CCDC60: variants seen among roughly 807,000 people sequenced by gnomAD.
CCDC60 encodes coiled-coil domain containing 60.
A neutral mutation model predicts 63.5 loss-of-function variants in CCDC60; 54 were observed. That is an observed-to-expected ratio of 0.85 (90% CI 0.68 to 1.07). The LOEUF is 1.07. Ranked by LOEUF, CCDC60 falls within the 50% of genes least tolerant of loss-of-function variation. The probability of loss-of-function intolerance (pLI) is 0.00; values close to 1 mark genes in which losing one functional copy is unlikely to be tolerated. For synonymous variants in CCDC60, 206 were observed against 238.8 expected, an observed-to-expected ratio of 0.86 and a Z score of 1.27; for missense variants, 651 against 684.3, an observed-to-expected ratio of 0.95 and a Z score of 0.54.
chr12:119,351,821 C>A (rs1955659181), intron 1 of CCDC60, among the ~76,000 whole-genome samples: 1 of 152,158 alleles, frequency 6.6e-6, no homozygotes, highest in South Asian at 2.1e-4. Flanking sequence ...TAGGAAGTTC[C>A]AAACTTTCCC....
chr12:119,361,952 G>A (rs141148454), intron 1 of CCDC60, among the ~76,000 whole-genome samples: 1 of 152,254 alleles, frequency 6.6e-6, no homozygotes, highest in Admixed American at 6.5e-5. Context: ...TAATGAGTAT[G>A]GCCATATAAT....
intron 2 of CCDC60, among the ~76,000 whole-genome samples, chr12:119,467,164 C>T (rs1208814292): frequency 1.3e-5 from 2 of 152,240 alleles, no homozygotes; most frequent in Non-Finnish European, 2.9e-5. Flanking sequence ...AGTCATGGAG[C>T]AGTAACACCG....
intron 2 of CCDC60, among the ~76,000 whole-genome samples, chr12:119,460,423 CA>C (rs1409785912): frequency 5.9e-5 from 9 of 152,170 alleles, no homozygotes; most frequent in Admixed American, 5.9e-4. Context: ...ATTTAATTGA[CA>C]TGTGTTTTTG....
At chr12:119,354,530 G>T (rs1329241463) in intron 1 of CCDC60, among the ~76,000 whole-genome samples, 1 of 152,156 alleles carries the variant, frequency 6.6e-6, no homozygotes, top group African/African-American at 2.4e-5. Context: ...GTCTGTCAGG[G>T]TTTTTCAGCA....
chr12:119,356,080 G>T (rs142405976), intron 1 of CCDC60, among the ~76,000 whole-genome samples: 1 of 152,154 alleles, frequency 6.6e-6, no homozygotes, highest in East Asian at 1.9e-4. Flanking sequence ...AACATCTTCC[G>T]CAAATAGTGG....
At chr12:119,390,789 G>A (rs1956143111) in intron 1 of CCDC60, among the ~76,000 whole-genome samples, 1 of 152,248 alleles carries the variant, frequency 6.6e-6, no homozygotes, top group African/African-American at 2.4e-5. Flanking sequence ...ACTTTGAGTA[G>A]CAAGGAGTTA....
chr12:119,386,326 G>A (rs370911059), intron 1 of CCDC60, among the ~76,000 whole-genome samples: 9 of 152,240 alleles, frequency 5.9e-5, no homozygotes, highest in Non-Finnish European at 8.8e-5. Flanking sequence ...CTTGCCCTGG[G>A]TAGGTTGCAG....
At chr12:119,428,835 A>G (rs758316400) in intron 2 of CCDC60, 73 bp downstream of exon 2, 20 of 971,842 alleles carry the variant, frequency 2.1e-5, no homozygotes, top group Non-Finnish European at 3.2e-5. Flanking sequence ...TGTTGCCTAC[A>G]AGTCCTTGCC....
At chr12:119,409,493 A>G (rs559488430) in intron 1 of CCDC60, among the ~76,000 whole-genome samples, 1 of 152,302 alleles carries the variant, frequency 6.6e-6, no homozygotes, top group Non-Finnish European at 1.5e-5. Flanking sequence ...AAGAGGAGGT[A>G]TTGCAGCTAC....
intron 7 of CCDC60, among the ~76,000 whole-genome samples, chr12:119,509,591 T>C (rs1297105478): frequency 6.6e-6 from 1 of 152,200 alleles, no homozygotes; most frequent in Non-Finnish European, 1.5e-5. Context: ...ATTGCTCTGG[T>C]TGGCTGAGTG....
At chr12:119,419,210 T>C (rs1022592556) in intron 1 of CCDC60, among the ~76,000 whole-genome samples, 12 of 152,242 alleles carry the variant, frequency 7.9e-5, no homozygotes, top group African/African-American at 2.9e-4. Flanking sequence ...TTACCCGCAA[T>C]GAGCATTTTG....
intron 1 of CCDC60, among the ~76,000 whole-genome samples, chr12:119,367,964 C>A (rs1267517598): frequency 1.3e-5 from 2 of 150,946 alleles, no homozygotes; most frequent in African/African-American, 4.9e-5. Flanking sequence ...TTGCACATAT[C>A]TGTGAGTCTC....
intron 13 of CCDC60, among the ~76,000 whole-genome samples, chr12:119,532,641 A>C (rs965825284): frequency 1.3e-5 from 2 of 150,974 alleles, no homozygotes; most frequent in African/African-American, 2.4e-5. Context: ...TCATTGTTCA[A>C]CTCCCACTTA....
intron 2 of CCDC60, among the ~76,000 whole-genome samples, chr12:119,450,039 A>C (rs1950602985): frequency 6.6e-6 from 1 of 152,226 alleles, no homozygotes; most frequent in Non-Finnish European, 1.5e-5. Context: ...AGTGTCCATC[A>C]ACAGATGATT....
rs1398546335 is a variant in CCDC60 at position 119,432,927 on chromosome 12, T to C, written c.170+4165T>C. On this transcript the variant is annotated intron_variant, in intron 2 of 13. Coordinates refer to ENST00000327554, the MANE Select transcript of CCDC60 (RefSeq NM_178499.5). ...TAGAACTCATACCTTCCTAATTGTT[T>C]TATACAGTTTGCTAATCTCTATGCC... Among the ~76,000 whole-genome samples the C allele has an allele frequency of 5.3e-5, 8 of 152,212 alleles. 1 individual carries two copies.
In CCDC60 at chr12:119,410,797, C is replaced by T. The variant is rs558044978; in HGVS notation, c.91-17886C>T. ...TCGCTCTGTCACTCGGGCTGCAGTGCGGTGGCGCGATCTCAGCTCACTGCA... is the reference window on the plus strand; with the variant it reads ...TCGCTCTGTCACTCGGGCTGCAGTGTGGTGGCGCGATCTCAGCTCACTGCA... On this transcript the variant is annotated intron_variant, in intron 1 of 13. Transcript: ENST00000327554. The surrounding 1 kb of genome is among the most constrained non-coding windows in gnomAD (Gnocchi z 4.0). 7.2e-5 allele frequency among the ~76,000 whole-genome samples: 11 copies of T among 152,268 alleles called. No homozygotes were observed. In the South Asian group the frequency reaches 1.0e-3, roughly 14 times the overall value.
chr12:119,347,573 G>A (rs769102679), intron 1 of CCDC60, among the ~76,000 whole-genome samples: 2 of 152,208 alleles, frequency 1.3e-5, no homozygotes, highest in Admixed American at 6.5e-5. Context: ...CAATATTCTC[G>A]TCTCTATTCT....
intron 5 of CCDC60, among the ~76,000 whole-genome samples, chr12:119,493,763 A>AT (rs968090093): frequency 2.0e-5 from 3 of 152,092 alleles, no homozygotes; most frequent in African/African-American, 4.8e-5. Context: ...GTAGGATCTG[A>AT]TTTTTTCATG....
intron 2 of CCDC60, among the ~76,000 whole-genome samples, chr12:119,430,803 G>T (rs1380827576): frequency 1.3e-5 from 2 of 152,166 alleles, no homozygotes; most frequent in African/African-American, 2.4e-5. Context: ...CTAGAACTGT[G>T]AGAAAATATA....
Sources: allele counts gnomAD v4.1 joint callset (sites outside exome capture counted in the v4.1 genomes callset), GRCh38; gene constraint gnomAD v4.1.1; non-coding constraint Gnocchi (gnomAD v3.1); transcripts MANE v1.5; gene names NCBI Gene and HGNC (gene_info 2026-07-23, HGNC 2026-07-21).